Variants in XIRP2 observed in about 807,000 individuals in gnomAD.
The protein encoded by XIRP2 is xin actin binding repeat containing 2.
In XIRP2, 236 loss-of-function variants were observed where a neutral mutation model predicts 277.0. That is an observed-to-expected ratio of 0.85 (90% confidence interval 0.77 to 0.95). XIRP2 has a LOEUF of 0.95. Among genes scored for constraint, XIRP2 ranks in the 40% least tolerant of loss-of-function variants. The pLI is 0.00. For synonymous variants in XIRP2, 1,490 were observed against 1,416.5 expected (o/e 1.05, Z -1.17); for missense variants, 4,640 against 4,157.5 (o/e 1.12, Z -3.19).
intron 10 of XIRP2, among the ~76,000 whole-genome samples, chr2:167,257,262 T>G (rs1182040898): frequency 1.3e-5 from 2 of 151,964 alleles, no homozygotes; most frequent in Non-Finnish European, 1.5e-5. Flanking sequence ...TCTTGTCACT[T>G]CATTTAGTTG....
chr2:167,088,381 A>G (rs1354676897), intron 2 of XIRP2, among the ~76,000 whole-genome samples: 1 of 152,068 alleles, frequency 6.6e-6, no homozygotes, highest in Non-Finnish European at 1.5e-5. Flanking sequence ...TTTCCACACC[A>G]CTGCCACTGA....
chr2:167,030,934 C>G (rs1022254299), intron 2 of XIRP2, among the ~76,000 whole-genome samples: 1 of 151,708 alleles, frequency 6.6e-6, no homozygotes, highest in African/African-American at 2.4e-5. Flanking sequence ...GATCCCTTTA[C>G]CATTACATAA....
intron 3 of XIRP2, among the ~76,000 whole-genome samples, chr2:167,190,848 C>T (rs1040350096): frequency 1.3e-5 from 2 of 152,090 alleles, no homozygotes; most frequent in African/African-American, 4.8e-5. Flanking sequence ...TACCAGTGAG[C>T]ACCACAGAAG....
chr2:166,938,709 AT>A (rs532807602), intron 2 of XIRP2, among the ~76,000 whole-genome samples: 99 of 152,238 alleles, frequency 6.5e-4, no homozygotes, highest in African/African-American at 2.2e-3. Context: ...AAAGTCTCCC[AT>A]TATTATTGTG....
intron 2 of XIRP2, among the ~76,000 whole-genome samples, chr2:167,051,310 C>G (rs1688910142): frequency 6.6e-6 from 1 of 152,102 alleles, no homozygotes; most frequent in South Asian, 2.1e-4. Flanking sequence ...TCACCTCTAA[C>G]TCATGGTAAA....
chr2:166,904,759 T>A (rs1684472867), intron 2 of XIRP2, among the ~76,000 whole-genome samples: 1 of 152,100 alleles, frequency 6.6e-6, no homozygotes, highest in Non-Finnish European at 1.5e-5. Context: ...GAAAGCAAAG[T>A]CCACGCTTTT....
intron 5 of XIRP2, among the ~76,000 whole-genome samples, chr2:167,238,342 A>T (rs536894251): frequency 6.6e-6 from 1 of 152,270 alleles, no homozygotes; most frequent in South Asian, 2.1e-4. Flanking sequence ...CTACATTTAA[A>T]CGTGTAAGTC....
intron 2 of XIRP2, among the ~76,000 whole-genome samples, chr2:167,063,167 T>G (rs980877624): frequency 4.6e-5 from 7 of 152,090 alleles, no homozygotes; most frequent in Middle Eastern, 3.4e-3. Context: ...CTATTTTTTC[T>G]TGGGTTCTCC....
chr2:167,055,174 C>G (rs962906197), intron 2 of XIRP2, among the ~76,000 whole-genome samples: 1 of 152,082 alleles, frequency 6.6e-6, no homozygotes, highest in Non-Finnish European at 1.5e-5. Flanking sequence ...TTTGTAAAAC[C>G]TTTGAAAACT....
intron 3 of XIRP2, among the ~76,000 whole-genome samples, chr2:167,199,459 G>C (rs931938958): frequency 6.6e-6 from 1 of 152,142 alleles, no homozygotes; most frequent in African/African-American, 2.4e-5. Context: ...CACTACACAT[G>C]ACCCAGCTTC....
intron 3 of XIRP2, among the ~76,000 whole-genome samples, chr2:167,203,230 T>G (rs1188426657): frequency 6.6e-6 from 1 of 152,220 alleles, no homozygotes; most frequent in East Asian, 1.9e-4. Flanking sequence ...TCTACTACAA[T>G]GCTAAATCTT....
chr2:167,176,028 A>C (rs2105352932), intron 3 of XIRP2, among the ~76,000 whole-genome samples: 1 of 152,258 alleles, frequency 6.6e-6, no homozygotes, highest in East Asian at 1.9e-4. Flanking sequence ...GAGAATTTCA[A>C]GCCAATGGAT....
chr2:167,142,756 G>A (rs887072307), intron 3 of XIRP2, among the ~76,000 whole-genome samples: 4 of 152,116 alleles, frequency 2.6e-5, no homozygotes, highest in African/African-American at 9.7e-5. Context: ...GACGTTAGAA[G>A]TTCACAAGTG....
Position 166,959,447 on chromosome 2 carries a change from A to T in XIRP2, c.408+55557A>T, listed in dbSNP as rs548707423. ...ATCCCATTAACTCTAATTGCTTCTC[A>T]GAAGCCGTGTACTTACAGTATGTGT... On this transcript the variant is annotated intron_variant, in intron 2 of 10. Transcript: ENST00000409195. 2.0e-5 allele frequency among the ~76,000 whole-genome samples: 3 copies of T among 151,964 alleles called. No individual in the cohort carries two copies. The South Asian group carries it at 6.2e-4, about 31-fold the overall frequency.
In XIRP2 at chr2:167,161,305, T is replaced by A. The variant is rs1692355128; in HGVS notation, c.562+25243T>A. ...ACAACTCCACTAGGTGGTGCCCCAG[T>A]AGGGGCTCTGTGTGGGTGCTCTGAT... On this transcript the variant is annotated intron_variant, in intron 3 of 10. Coordinates refer to ENST00000409195, the MANE Select transcript of XIRP2 (RefSeq NM_152381.6). 2.6e-5 allele frequency among the ~76,000 whole-genome samples: 4 copies of A among 152,234 alleles called. No homozygotes were observed. The South Asian group carries it at 6.2e-4, about 24-fold the overall frequency.
intron 2 of XIRP2, among the ~76,000 whole-genome samples, chr2:167,070,609 G>A (rs111365790): frequency 6.6e-6 from 1 of 152,190 alleles, no homozygotes; most frequent in African/African-American, 2.4e-5. Context: ...AGCTCAAATG[G>A]CTGTTTCTTA....
Position 167,063,516 on chromosome 2 carries a change from A to C in XIRP2, c.409-72393A>C, listed in dbSNP as rs371195370. Among the ~76,000 whole-genome samples, 14 of 152,022 alleles carry C rather than the reference A, an allele frequency of 9.2e-5. No individual in the cohort carries two copies. The South Asian group carries it at 2.9e-3, about 31-fold the overall frequency. ...AGAAGTGTTGAAATTCCCAGCTACAATTGCAGGATTATTTCTGTTTGCATG... is the reference window on the plus strand; with the variant it reads ...AGAAGTGTTGAAATTCCCAGCTACACTTGCAGGATTATTTCTGTTTGCATG... On this transcript the variant is annotated intron_variant, in intron 2 of 10. Transcript: ENST00000409195.
intron 3 of XIRP2, among the ~76,000 whole-genome samples, chr2:167,159,468 G>A (rs1692300838): frequency 6.6e-6 from 1 of 151,408 alleles, no homozygotes; most frequent in Non-Finnish European, 1.5e-5. Flanking sequence ...TTATATCATG[G>A]ATAAAGTCAT....
chr2:167,233,883 G>C (rs16853290), intron 5 of XIRP2, among the ~76,000 whole-genome samples: 2 of 151,230 alleles, frequency 1.3e-5, no homozygotes, highest in Non-Finnish European at 3.0e-5. Context: ...ATACATCTAC[G>C]TAAAACTTCT....
Sources: gnomAD v4.1 joint callset for allele counts (sites outside exome capture counted in the v4.1 genomes callset) on GRCh38, gnomAD v4.1.1 for gene constraint, MANE v1.5 for transcripts, NCBI Gene and HGNC (gene_info 2026-07-23, HGNC 2026-07-21) for gene names.